The following GPR107 variants were observed in gnomAD, a reference collection of about 807,000 sequenced individuals.
GPR107 encodes protein GPR107.
A neutral mutation model predicts 75.5 loss-of-function variants in GPR107; 31 were observed. That is an observed-to-expected ratio of 0.41 (90% CI 0.31 to 0.55). The LOEUF (loss-of-function observed/expected upper bound fraction) is 0.55. Among genes scored for constraint, GPR107 ranks in the 20% least tolerant of loss-of-function variants. The pLI is 0.26. For missense variants in GPR107, 572 were observed against 665.7 expected (o/e 0.86, Z 1.55); for synonymous variants, 267 against 251.3 (o/e 1.06, Z -0.59).
At chr9:130,090,424 AG>A (rs1480807787) in intron 7 of GPR107, among the ~76,000 whole-genome samples, 4 of 152,346 alleles carry the variant, frequency 2.6e-5, no homozygotes, top group South Asian at 4.1e-4. Context: ...ACCTATAAAG[AG>A]CAAAATAATA....
At position 130,138,872 on chromosome 9, in the gene GPR107, A is replaced by G. The variant is rs569225608; in HGVS notation, c.*3751A>G. 7 of 152,284 alleles carry G rather than the reference A, an allele frequency of 4.6e-5. No individual in the cohort carries two copies. Among genetic ancestry groups the G allele is most frequent in the African/African-American group, 1.4e-4 (6 of 41,546 alleles). The allele number at this position is 152,284 out of a possible 1,614,324, so 9.4% of individuals were successfully genotyped here. A position where few individuals can be genotyped will look rare whatever the true frequency, so the allele number is the denominator to read the frequency against. On this transcript the variant is annotated 3_prime_UTR_variant, in exon 18 of 18. Coordinates refer to ENST00000347136, the MANE Select transcript of GPR107 (RefSeq NM_020960.5). ...ATAGCGATGCCTGTTGGAATTGCAG[A>G]TGCATTCTGGCCTTCTCCCCCGTCC...
intron 5 of GPR107, among the ~76,000 whole-genome samples, chr9:130,081,878 AAAC>A (rs542200886): frequency 2.0e-5 from 3 of 151,958 alleles, no homozygotes; most frequent in African/African-American, 4.8e-5. Context: ...CACCACCGAA[AAAC>A]AACAACAACA....
At chr9:130,128,121 CAA>C (rs1243911850) in intron 16 of GPR107, among the ~76,000 whole-genome samples, 1 of 152,142 alleles carries the variant, frequency 6.6e-6, no homozygotes, top group African/African-American at 2.4e-5. Context: ...TCTTAAAAGT[CAA>C]GAGAAAAGCT....
chr9:130,097,406 C>T (rs1164248665), intron 9 of GPR107, among the ~76,000 whole-genome samples: 3 of 152,210 alleles, frequency 2.0e-5, no homozygotes, highest in African/African-American at 4.8e-5. Context: ...CCTCCCGCCT[C>T]GGCCTCCCAA....
intron 14 of GPR107, among the ~76,000 whole-genome samples, chr9:130,110,765 G>A (rs1373022240): frequency 1.4e-5 from 2 of 144,652 alleles, no homozygotes; most frequent in African/African-American, 2.6e-5. Flanking sequence ...TGTGAAGCTT[G>A]CGGGAAAGCG....
chr9:130,084,619 A>G (rs1830572901), intron 6 of GPR107, among the ~76,000 whole-genome samples: 2 of 151,972 alleles, frequency 1.3e-5, no homozygotes, highest in Admixed American at 1.3e-4. Context: ...CTCTACAAAA[A>G]ATAGAAAATT....
intron 14 of GPR107, among the ~76,000 whole-genome samples, chr9:130,118,843 C>T (rs1021474359): frequency 1.3e-5 from 2 of 152,198 alleles, no homozygotes; most frequent in East Asian, 1.9e-4. Flanking sequence ...ATGAGGAGGT[C>T]GATGCCTGGA....
intron 1 of GPR107, among the ~76,000 whole-genome samples, chr9:130,073,968 G>C (rs1446840142): frequency 6.6e-6 from 1 of 152,130 alleles, no homozygotes; most frequent in African/African-American, 2.4e-5. Flanking sequence ...TTTTGGCCAG[G>C]CTGGTCTCGA....
intron 1 of GPR107, among the ~76,000 whole-genome samples, chr9:130,066,302 G>T (rs559265732): frequency 6.6e-6 from 1 of 151,804 alleles, no homozygotes; most frequent in African/African-American, 2.4e-5. Flanking sequence ...TCTGTCCCAA[G>T]AAAAATAAAA....
intron 2 of GPR107, 25 bp downstream of exon 2, chr9:130,075,774 G>A: frequency 2.7e-6 from 3 of 1,131,602 alleles, no homozygotes; most frequent in Non-Finnish European, 4.0e-6. Context: ...ATGAGATCCA[G>A]GGGTTTACTC....
chr9:130,128,731 A>C lies in GPR107; in HGVS notation c.1532A>C (p.Gln511Pro), dbSNP rs752257367. 7.1e-5 allele frequency: 114 copies of C among 1,613,332 alleles called. No homozygotes were observed. Among genetic ancestry groups the C allele is most frequent in the Non-Finnish European group, 9.2e-5 (109 of 1,179,326 alleles). Residue 511 changes from glutamine (Q) to proline (P), a missense_variant, in exon 17 of 18, where the codon CAG becomes CCG. Physicochemically the swap from Gln to Pro is moderately conservative, Grantham distance 76. Transcript: ENST00000347136. ...ASDNPYLQLS[Q>P]EEEDLEMESV... ...GATAACCCCTACCTACAACTTTCTC[A>C]GGAAGAAGAAGACTTGGAAATGGAG...
intron 5 of GPR107, 146 bp from the exon 6 acceptor site, chr9:130,083,419 C>G (rs934432618): frequency 4.6e-6 from 2 of 431,382 alleles, no homozygotes; most frequent in Non-Finnish European, 8.3e-6. Flanking sequence ...TGTTTTGGGA[C>G]CTGAGGAAAT....
intron 14 of GPR107, among the ~76,000 whole-genome samples, chr9:130,111,768 T>C (rs1831308966): frequency 6.6e-6 from 1 of 152,126 alleles, no homozygotes; most frequent in Non-Finnish European, 1.5e-5. Context: ...TTTACTTTGT[T>C]GTCTCTGGAT....
At chr9:130,123,446 C>A (rs1279131412) in intron 14 of GPR107, among the ~76,000 whole-genome samples, 1 of 152,072 alleles carries the variant, frequency 6.6e-6, no homozygotes, top group East Asian at 1.9e-4. Flanking sequence ...TCATGATCCA[C>A]CCGCCTCGGC....
At chr9:130,055,469 A>G (rs1829747290) in intron 1 of GPR107, among the ~76,000 whole-genome samples, 1 of 150,374 alleles carries the variant, frequency 6.7e-6, no homozygotes, top group Admixed American at 6.7e-5. Flanking sequence ...CGGAGCTTGC[A>G]GTGAGCCAAG....
intron 14 of GPR107, 33 bp downstream of exon 14, chr9:130,107,572 A>G (rs1314580705): frequency 2.0e-6 from 3 of 1,467,566 alleles, no homozygotes; most frequent in Admixed American, 1.7e-5. Flanking sequence ...TGTGTTGCTC[A>G]GCTTGCTCTG....
rs1030160797 is a variant in GPR107 at position 130,124,950 on chromosome 9, CATT to C, written c.1347_1349del (p.Tyr450del). The C allele has an allele frequency of 2.0e-6, 3 of 1,490,384 alleles. No homozygotes were observed. Among genetic ancestry groups the C allele is most frequent in the Non-Finnish European group, 2.7e-6 (3 of 1,096,850 alleles). 92.3% of individuals were successfully genotyped at this position (1,490,384 alleles called of 1,614,324 possible). A position where few individuals can be genotyped will look rare whatever the true frequency, so the allele number is the denominator to read the frequency against. On this transcript the variant is annotated inframe_deletion, in exon 15 of 18. Coordinates refer to ENST00000347136, the MANE Select transcript of GPR107 (RefSeq NM_020960.5). ...CTTAGCAAAGCTGAAACTTTTCAGA[CATT>C]ATTACGTCTTGGTAAGTAAAAAAAA...
chr9:130,131,794 A>G (rs1362126083), intron 17 of GPR107, among the ~76,000 whole-genome samples: 1 of 150,602 alleles, frequency 6.6e-6, no homozygotes, highest in African/African-American at 2.4e-5. Flanking sequence ...TGTGCCTCTC[A>G]CCCCCAGCCC....
chr9:130,086,618 T>C (rs1392174421), intron 7 of GPR107, 142 bp downstream of exon 7: 9 of 640,974 alleles, frequency 1.4e-5, no homozygotes, highest in East Asian at 2.6e-5. Context: ...TAGCTCTCCT[T>C]ATAACAAGCC....
Sources: allele counts gnomAD v4.1 joint callset (sites outside exome capture counted in the v4.1 genomes callset), GRCh38; gene constraint gnomAD v4.1.1; transcripts MANE v1.5; gene names NCBI Gene and HGNC (gene_info 2026-07-23, HGNC 2026-07-21).